TAFA1: variants seen among roughly 807,000 people sequenced by gnomAD.
TAFA1 encodes the protein TAFA chemokine like family member 1, also known as chemokine-like protein TAFA-1.
In TAFA1, 4 loss-of-function variants were observed where a neutral mutation model predicts 18.5. That is an observed-to-expected ratio of 0.22 (90% confidence interval 0.11 to 0.49). The LOEUF is 0.49. TAFA1 is among the 20% of genes least tolerant of loss of function. The pLI, the probability that TAFA1 is intolerant of heterozygous loss-of-function variation, is 0.98. For synonymous variants in TAFA1, 56 were observed against 55.2 expected (o/e 1.01, Z -0.06); for missense variants, 147 against 169.0 (o/e 0.87, Z 0.72).
chr3:68,058,989 T>A (rs2064568765), intron 2 of TAFA1, among the ~76,000 whole-genome samples: 1 of 152,148 alleles, frequency 6.6e-6, no homozygotes, highest in Non-Finnish European at 1.5e-5. Context: ...CTATTATATA[T>A]AAAATTCCCA....
intron 2 of TAFA1, among the ~76,000 whole-genome samples, chr3:68,229,595 C>T (rs936218557): frequency 1.3e-5 from 2 of 152,256 alleles, no homozygotes; most frequent in African/African-American, 4.8e-5. Context: ...GGAACTGTAG[C>T]ATGGCCAAGA....
In TAFA1 at chr3:68,436,852, T is replaced by C. The variant is rs193003376; in HGVS notation, c.259+19432T>C. ...GGCAGATGCCTTTCCTGGTGACACC[T>C]TGGCTCTTGTTAACAGATACAGCCA... On this transcript the variant is annotated intron_variant, in intron 3 of 4. Transcript: ENST00000478136. Among the ~76,000 whole-genome samples, 295 of 152,306 alleles carry C rather than the reference T, an allele frequency of 1.9e-3. 2 individuals carry two copies. Among genetic ancestry groups the C allele is most frequent in the African/African-American group, 6.7e-3 (280 of 41,588 alleles).
chr3:68,471,376 G>C (rs964934006), intron 3 of TAFA1, among the ~76,000 whole-genome samples: 1 of 152,122 alleles, frequency 6.6e-6, no homozygotes, highest in Non-Finnish European at 1.5e-5. Context: ...CAAAATGGTA[G>C]ATCCACTGAT....
At chr3:68,516,459 T>A (rs17047798) in intron 3 of TAFA1, among the ~76,000 whole-genome samples, 33,232 of 152,134 alleles carry the variant, frequency 0.22, 4,624 homozygotes, top group East Asian at 0.49. Flanking sequence ...ACTGAAAAAA[T>A]TAGGCTACAT....
At chr3:68,444,834 C>T (rs2071449876) in intron 3 of TAFA1, among the ~76,000 whole-genome samples, 1 of 144,558 alleles carries the variant, frequency 6.9e-6, no homozygotes, top group East Asian at 2.0e-4. Context: ...TAAATAAATA[C>T]AGTGGATCTG....
At chr3:68,489,530 T>A (rs2072412582) in intron 3 of TAFA1, among the ~76,000 whole-genome samples, 1 of 152,234 alleles carries the variant, frequency 6.6e-6, no homozygotes, top group Admixed American at 6.5e-5. Flanking sequence ...GCATTTCCCA[T>A]ACTGTGGTCC....
intron 2 of TAFA1, among the ~76,000 whole-genome samples, chr3:68,114,289 A>G (rs2065300300): frequency 6.6e-6 from 1 of 152,154 alleles, no homozygotes; most frequent in Admixed American, 6.5e-5. Flanking sequence ...CAGCCTGTAT[A>G]TGCCCCACAG....
chr3:68,139,931 C>T (rs6769681), intron 2 of TAFA1, among the ~76,000 whole-genome samples: 5,850 of 152,114 alleles, frequency 0.038, 336 homozygotes, highest in African/African-American at 0.12. Context: ...GTTTTGTTAT[C>T]GACAAAATGG....
intron 2 of TAFA1, among the ~76,000 whole-genome samples, chr3:68,271,848 A>G (rs1193620697): frequency 4.6e-5 from 7 of 151,808 alleles, no homozygotes; most frequent in Admixed American, 2.0e-4. Flanking sequence ...ACACACACAC[A>G]CACACACACA....
At chr3:68,234,506 C>T (rs2066905797) in intron 2 of TAFA1, among the ~76,000 whole-genome samples, 1 of 152,116 alleles carries the variant, frequency 6.6e-6, no homozygotes, top group African/African-American at 2.4e-5. Context: ...ACTCTGAGTG[C>T]AATGAAAGTA....
At chr3:68,374,438 CTA>C (rs2106642196) in intron 2 of TAFA1, among the ~76,000 whole-genome samples, 1 of 152,214 alleles carries the variant, frequency 6.6e-6, no homozygotes, top group East Asian at 1.9e-4. Flanking sequence ...GTACTGTTAT[CTA>C]TATATACTGA....
chr3:68,506,571 C>T (rs992378380), intron 3 of TAFA1, among the ~76,000 whole-genome samples: 2 of 152,088 alleles, frequency 1.3e-5, no homozygotes, highest in Non-Finnish European at 2.9e-5. Flanking sequence ...TGGGCATAAT[C>T]AGGGCAACGC....
intron 2 of TAFA1, among the ~76,000 whole-genome samples, chr3:68,043,836 GT>G (rs914510399): frequency 2.3e-4 from 35 of 150,784 alleles, no homozygotes; most frequent in African/African-American, 6.3e-4. Context: ...ATTCATTTCT[GT>G]TTTTTTTTAA....
At chr3:68,447,062 A>T (rs766093147) in intron 3 of TAFA1, among the ~76,000 whole-genome samples, 1 of 152,200 alleles carries the variant, frequency 6.6e-6, no homozygotes, top group Non-Finnish European at 1.5e-5. Context: ...TTTGGAAAAG[A>T]TATTTTTAAA....
chr3:68,080,542 G>A, intron 2 of TAFA1, among the ~76,000 whole-genome samples: 1 of 152,130 alleles, frequency 6.6e-6, no homozygotes, highest in Non-Finnish European at 1.5e-5. Flanking sequence ...TTGCTTGTCT[G>A]TAAAGTATTT....
intron 3 of TAFA1, among the ~76,000 whole-genome samples, chr3:68,433,686 C>T (rs555330853): frequency 6.6e-6 from 1 of 152,076 alleles, no homozygotes; most frequent in African/African-American, 2.4e-5. Flanking sequence ...TGTTCCAATT[C>T]CAGCTCTACT....
chr3:68,376,172 G>T (rs1204235937), intron 2 of TAFA1, among the ~76,000 whole-genome samples: 1 of 151,914 alleles, frequency 6.6e-6, no homozygotes, highest in Non-Finnish European at 1.5e-5. Flanking sequence ...AGCTGAAAAG[G>T]GACATTTCAT....
chr3:68,303,531 G>C (rs970223845), intron 2 of TAFA1, among the ~76,000 whole-genome samples: 1 of 151,898 alleles, frequency 6.6e-6, no homozygotes, highest in Non-Finnish European at 1.5e-5. Flanking sequence ...AGCTCTGCCT[G>C]CCAGGTTCAC....
At chr3:68,165,901 AT>A (rs745486081) in intron 2 of TAFA1, among the ~76,000 whole-genome samples, 1 of 152,242 alleles carries the variant, frequency 6.6e-6, no homozygotes, top group Non-Finnish European at 1.5e-5. Context: ...AGGAATGTGA[AT>A]CAAATTAATT....
Sources: gnomAD v4.1 joint callset for allele counts (sites outside exome capture counted in the v4.1 genomes callset) on GRCh38, gnomAD v4.1.1 for gene constraint, MANE v1.5 for transcripts, NCBI Gene and HGNC (gene_info 2026-07-23, HGNC 2026-07-21) for gene names.